CHAMP1: variants seen among roughly 807,000 people sequenced by gnomAD.
The protein encoded by CHAMP1 is chromosome alignment maintaining phosphoprotein 1.
Under a neutral mutation model 54.5 loss-of-function variants are expected in CHAMP1, and 4 were observed. The ratio of observed to expected loss-of-function variants is 0.07; its 90% CI spans 0.04 to 0.17. CHAMP1 has a LOEUF of 0.17. Ranked by LOEUF, CHAMP1 falls within the 10% of genes least tolerant of loss-of-function variation. The pLI is 1.00. For synonymous variants in CHAMP1, 368 were observed against 342.2 expected (o/e 1.08, Z -0.83); for missense variants, 994 against 968.6 (o/e 1.03, Z -0.35).
Position 114,324,993 on chromosome 13 carries a change from C to T in CHAMP1, c.1151C>T (p.Pro384Leu). 2 of 1,614,158 alleles carry T rather than the reference C, an allele frequency of 1.2e-6. No individual in the cohort carries two copies. Among genetic ancestry groups the T allele is most frequent in the South Asian group, 1.1e-5 (1 of 91,080 alleles). The change falls in exon 3 of 3, where the codon CCT (proline) becomes CTT (leucine). Residue 384 changes from proline to leucine, a missense_variant. This residue lies in a region of CHAMP1 where 851 missense variants were observed against 701.3 expected (regional missense o/e 1.21). Coordinates refer to ENST00000361283, the MANE Select transcript of CHAMP1 (RefSeq NM_032436.4). The stretch of plus-strand genomic sequence containing the variant: ...TCACCCAGCTCCTGGAAGTCTCCCC[C>T]TGCATCTCCTGAGTCATGGAAGTCT... ...SVSPSSWKSP[P>L]ASPESWKSGP... is the part of the protein sequence containing the mutation.
At chr13:114,316,869 A>T (rs1034246565) in intron 1 of CHAMP1, among the ~76,000 whole-genome samples, 1 of 152,082 alleles carries the variant, frequency 6.6e-6, no homozygotes, top group African/African-American at 2.4e-5. Context: ...ATGTTGGAGC[A>T]TAATCAGATT....
intron 2 of CHAMP1, among the ~76,000 whole-genome samples, chr13:114,321,651 C>T (rs536961711): frequency 2.8e-4 from 42 of 152,278 alleles, no homozygotes; most frequent in Non-Finnish European, 5.6e-4. Context: ...ACATATCCTA[C>T]GTTTTCCCCT....
chr13:114,324,812 A>G lies in CHAMP1; in HGVS notation c.970A>G (p.Lys324Glu). 6.2e-7 allele frequency: 1 copy of G among 1,614,054 alleles called. No individual in the cohort carries two copies. Among genetic ancestry groups the G allele is most frequent in the Non-Finnish European group, 8.5e-7 (1 of 1,179,950 alleles). ...GCCACCTGGGTCCCCTAGGCCTTGG[A>G]AATCCAATCCTTCAGCATCATCAGG... The part of the protein sequence containing the change: ...PGPPGSPRPW[K>E]SNPSASSGPW... Residue 324 changes from lysine (K) to glutamate (E), a missense_variant, in exon 3 of 3, where the codon AAA (lysine) becomes GAA (glutamate). This residue lies in a region of CHAMP1 where 851 missense variants were observed against 701.3 expected (regional missense o/e 1.21). Transcript: ENST00000361283.
chr13:114,323,602 G>A (rs962825290), intron 2 of CHAMP1, 186 bp from the exon 3 acceptor site: 11 of 447,248 alleles, frequency 2.5e-5, no homozygotes, highest in Non-Finnish European at 3.9e-5. Context: ...GATGATGTAT[G>A]TGAAACTCCT....
intron 2 of CHAMP1, among the ~76,000 whole-genome samples, chr13:114,321,707 T>A (rs552214153): frequency 6.6e-6 from 1 of 152,350 alleles, no homozygotes; most frequent in South Asian, 2.1e-4. Context: ...GACGGATGGT[T>A]AACCCATTAT....
Position 114,324,985 on chromosome 13 carries a change from G to A in CHAMP1, c.1143G>A (p.Lys381=). ...KSSSVSPSSW[K]SPPASPESWK... ...CATCAGTCTCACCCAGCTCCTGGAA[G>A]TCTCCCCCTGCATCTCCTGAGTCAT... The change falls in exon 3 of 3, where the codon AAG becomes AAA. Residue 381 remains lysine (K), a synonymous_variant. Coordinates refer to ENST00000361283, the MANE Select transcript of CHAMP1 (RefSeq NM_032436.4). The A allele has an allele frequency of 6.2e-7, 1 of 1,614,016 alleles. No individual in the cohort carries two copies. Among genetic ancestry groups the A allele is most frequent in the Non-Finnish European group, 8.5e-7 (1 of 1,180,004 alleles).
intron 1 of CHAMP1, among the ~76,000 whole-genome samples, chr13:114,318,857 CTTTTTT>C (rs56669844): frequency 2.7e-3 from 66 of 24,176 alleles, no homozygotes; most frequent in African/African-American, 6.8e-3. Flanking sequence ...TCCTGGTTGC[CTTTTTT>C]TTTTTTTTTT....
intron 1 of CHAMP1, among the ~76,000 whole-genome samples, chr13:114,318,262 A>G (rs1325309775): frequency 6.6e-6 from 1 of 151,520 alleles, no homozygotes; most frequent in Non-Finnish European, 1.5e-5. Flanking sequence ...TAAAATGAAG[A>G]GGTTGAACTC....
rs1316782811 is a variant in CHAMP1, at chr13:114,326,020, T to G, written c.2178T>G (p.His726Gln). ...CTATGAAAAAAGGTGCTGTTTTGCATCATTTGGTTAATAAGCATAATGTTC... is the reference window on the plus strand; with the variant it reads ...CTATGAAAAAAGGTGCTGTTTTGCAGCATTTGGTTAATAAGCATAATGTTC... ...CRAMKKGAVLHHLVNKHNVHS... is the reference protein window; with the variant it reads ...CRAMKKGAVLQHLVNKHNVHS... The change falls in exon 3 of 3, where the codon CAT becomes CAG. Residue 726 changes from histidine (H) to glutamine (Q), a missense_variant. His to Gln is a conservative substitution (Grantham distance 24). Transcript: ENST00000361283. 9 of 1,614,176 alleles carry G rather than the reference T, an allele frequency of 5.6e-6. No homozygotes were observed. The highest frequency in any genetic ancestry group is 5.9e-6 in the Non-Finnish European group (7 of 1,180,042).
At chr13:114,314,807 C>G (rs1341397851) in intron 1 of CHAMP1, among the ~76,000 whole-genome samples, 164 bp downstream of exon 1, 1 of 152,108 alleles carries the variant, frequency 6.6e-6, no homozygotes, top group Non-Finnish European at 1.5e-5. Context: ...AGGGCCCGCC[C>G]CCACAGGCCG....
intron 2 of CHAMP1, 186 bp from the exon 3 acceptor site, chr13:114,323,600 ATG>A (rs1245856404): frequency 2.0e-5 from 9 of 443,362 alleles, no homozygotes; most frequent in Non-Finnish European, 3.5e-5. Flanking sequence ...GAGATGATGT[ATG>A]TGAAACTCCT....
chr13:114,324,468 A>T lies in CHAMP1; in HGVS notation c.626A>T (p.Lys209Ile). Reference protein sequence around the residue: ...LAPVPSPEPQKPAPVSPESVK... With the variant: ...LAPVPSPEPQIPAPVSPESVK... The stretch of plus-strand genomic sequence containing the variant: ...CCTGTTCCTTCTCCAGAACCACAGA[A>T]ACCTGCCCCTGTATCTCCTGAGTCA... The change falls in exon 3 of 3, where the codon AAA (lysine) becomes ATA (isoleucine). Residue 209 changes from lysine to isoleucine, a missense_variant. Transcript: ENST00000361283. 1 of 1,614,172 alleles carries T rather than the reference A, an allele frequency of 6.2e-7. No homozygotes were observed. The highest frequency in any genetic ancestry group is 8.5e-7 in the Non-Finnish European group (1 of 1,180,040).
At chr13:114,321,069 T>C (rs778949729) in intron 1 of CHAMP1, 41 bp from the exon 2 acceptor site, 11 of 148,106 alleles carry the variant, frequency 7.4e-5, no homozygotes, top group Admixed American at 1.4e-4. Context: ...ATCACAGATA[T>C]AGTTTTGATT....
At position 114,322,099 on chromosome 13, in the gene CHAMP1, G is replaced by A. The variant is rs929440810; in HGVS notation, c.-56+867G>A. The A allele has an allele frequency of 4.1e-5, 6 of 147,902 alleles. No individual in the cohort carries two copies. The Admixed American group carries it at 4.1e-4, about 10-fold the overall frequency. The allele number at this position is 147,902 out of a possible 1,614,324, so 9.2% of individuals were successfully genotyped here. On this transcript the variant is annotated intron_variant, in intron 2 of 2. Transcript: ENST00000361283. ...CTCTGTCACCAGGCTGGAATGCAGC[G>A]GCATGATCTCAGCTCTCTGCAACCT...
chr13:114,324,069 A>G lies in CHAMP1; in HGVS notation c.227A>G (p.Asn76Ser). Residue 76 changes from asparagine to serine, a missense_variant, in exon 3 of 3, where the codon AAT (asparagine) becomes AGT (serine). Asn to Ser is a conservative substitution (Grantham distance 46). This residue lies in a region of CHAMP1 where 84 missense variants were observed against 120.7 expected (regional missense o/e 0.70). Coordinates refer to ENST00000361283, the MANE Select transcript of CHAMP1 (RefSeq NM_032436.4). ...KCFFTSKMYS[N>S]VYYHITSKHA... ...TTCTTCACCAGCAAGATGTACTCTA[A>G]TGTATACTATCACATCACATCCAAA... 6.2e-7 allele frequency: 1 copy of G among 1,614,262 alleles called. No homozygotes were observed. Among genetic ancestry groups the G allele is most frequent in the Non-Finnish European group, 8.5e-7 (1 of 1,180,048 alleles).
rs782355432 is a variant in CHAMP1, at chr13:114,325,763, T to G, written c.1921T>G (p.Leu641Val). 6.2e-7 allele frequency: 1 copy of G among 1,613,900 alleles called. No individual in the cohort carries two copies. The highest frequency in any genetic ancestry group is 1.1e-5 in the South Asian group (1 of 91,080). Residue 641 changes from leucine to valine, a missense_variant, in exon 3 of 3, where the codon TTG (leucine) becomes GTG (valine). Physicochemically the swap from Leu to Val is conservative, Grantham distance 32. Transcript: ENST00000361283. The part of the protein sequence containing the change: ...LSSSEYIKTD[L>V]DAMDIKGQES... The stretch of plus-strand genomic sequence containing the variant: ...TAGTAGTGAGTACATAAAAACAGAT[T>G]TGGATGCGATGGATATTAAGGGCCA...
chr13:114,320,723 G>A (rs1368194437), intron 1 of CHAMP1, among the ~76,000 whole-genome samples: 3 of 152,058 alleles, frequency 2.0e-5, no homozygotes, highest in Non-Finnish European at 2.9e-5. Context: ...TTGGGAGGCC[G>A]AGGCGGGCGG....
rs1359823299 is a variant in CHAMP1 at position 114,324,817 on chromosome 13, C to T, written c.975C>T (p.Ser325=). ...GPPGSPRPWK[S]NPSASSGPWK... is the part of the protein sequence containing the mutation. Reference sequence around the variant, plus strand: ...CTGGGTCCCCTAGGCCTTGGAAATCCAATCCTTCAGCATCATCAGGACCTT... The same window carrying T: ...CTGGGTCCCCTAGGCCTTGGAAATCTAATCCTTCAGCATCATCAGGACCTT... The change falls in exon 3 of 3, where the codon TCC becomes TCT. Residue 325 remains serine, a synonymous_variant. Coordinates refer to ENST00000361283, the MANE Select transcript of CHAMP1 (RefSeq NM_032436.4). 1.2e-6 allele frequency: 2 copies of T among 1,613,942 alleles called. No homozygotes were observed. Among genetic ancestry groups the T allele is most frequent in the South Asian group, 1.1e-5 (1 of 91,076 alleles).
At position 114,320,732 on chromosome 13, in the gene CHAMP1, G is replaced by A. The variant is rs184466888; in HGVS notation, c.-178-378G>A. On this transcript the variant is annotated intron_variant, in intron 1 of 2. Transcript: ENST00000361283. ...AGCACTTTGGGAGGCCGAGGCGGGC[G>A]GATCACGAGGTCAGGAGATCGAGAC... 2.6e-3 allele frequency among the ~76,000 whole-genome samples: 392 copies of A among 151,880 alleles called. 2 individuals carry two copies. Among genetic ancestry groups the A allele is most frequent in the African/African-American group, 8.8e-3 (365 of 41,386 alleles).
Sources: gnomAD v4.1 joint callset for allele counts (sites outside exome capture counted in the v4.1 genomes callset) on GRCh38, gnomAD v4.1.1 for gene constraint, gnomAD v4.1.1 regional missense constraint, MANE v1.5 for transcripts, NCBI Gene and HGNC (gene_info 2026-07-23, HGNC 2026-07-21) for gene names.